The following RFC3 variants were observed in gnomAD, a reference collection of about 807,000 sequenced individuals.
The protein encoded by RFC3 is replication factor C subunit 3.
In RFC3, 41 loss-of-function variants were observed where a neutral mutation model predicts 45.1. The observed-to-expected ratio is 0.91, with a 90% CI of 0.71 to 1.18. The LOEUF is 1.18. Among genes scored for constraint, RFC3 ranks in the 50% most tolerant of loss-of-function variants. RFC3 has a pLI of 0.00. For missense variants in RFC3, 423 were observed against 428.1 expected, an observed-to-expected ratio of 0.99 and a Z score of 0.10; for synonymous variants, 149 against 144.0, an observed-to-expected ratio of 1.03 and a Z score of -0.25.
the RFC3 span, among the ~76,000 whole-genome samples, chr13:33,971,957 CA>C: frequency 0.99 from 149,870 of 151,886 alleles, 73,960 homozygotes; most frequent in East Asian, 1. Context: ...AATAAAAATA[CA>C]AAAAAAATTA....
intron 4 of RFC3, among the ~76,000 whole-genome samples, chr13:33,828,226 C>T (rs1354460121): frequency 6.6e-6 from 1 of 152,092 alleles, no homozygotes; most frequent in Non-Finnish European, 1.5e-5. Flanking sequence ...TTTTCTGTCA[C>T]CTTTATTGGG....
At chr13:33,967,781 C>T (rs749627798), downstream of RFC3, among the ~76,000 whole-genome samples, 1 of 134,246 alleles carries the variant, frequency 7.4e-6, no homozygotes, top group Admixed American at 8.1e-5. Context: ...CCACTGCACC[C>T]GGCCTACACC....
intron 8 of RFC3, among the ~76,000 whole-genome samples, chr13:33,937,932 G>A (rs1468318902): frequency 6.6e-6 from 1 of 152,040 alleles, no homozygotes; most frequent in Non-Finnish European, 1.5e-5. Context: ...ACAGTCAGAG[G>A]GGTGGCAGCT....
At chr13:33,928,834 T>G (rs567711864) in intron 8 of RFC3, among the ~76,000 whole-genome samples, 3 of 151,110 alleles carry the variant, frequency 2.0e-5, no homozygotes, top group Admixed American at 1.3e-4. Context: ...AACCAATGTC[T>G]GGGGGGGGAA....
chr13:33,932,309 A>G (rs994050401), intron 8 of RFC3, among the ~76,000 whole-genome samples: 5 of 152,292 alleles, frequency 3.3e-5, no homozygotes, highest in Non-Finnish European at 7.4e-5. Context: ...TCTTCTTAAT[A>G]TACCTTGGAA....
At chr13:33,918,893 T>A (rs1000131321) in intron 8 of RFC3, among the ~76,000 whole-genome samples, 1 of 152,150 alleles carries the variant, frequency 6.6e-6, no homozygotes, top group Non-Finnish European at 1.5e-5. Context: ...ATGGGCCTCA[T>A]CATGAAATGG....
chr13:33,879,671 T>C (rs2082469834), intron 8 of RFC3, among the ~76,000 whole-genome samples: 1 of 152,230 alleles, frequency 6.6e-6, no homozygotes, highest in Non-Finnish European at 1.5e-5. Context: ...TTATATTGAC[T>C]TTTAGGAAAC....
intron 8 of RFC3, chr13:33,847,672 C>T (rs1428021950): frequency 1.3e-5 from 2 of 151,774 alleles, no homozygotes; most frequent in Middle Eastern, 3.4e-3. Context: ...GTTTTCTGTT[C>T]ATATTGCCTA....
At chr13:33,862,535 G>T (rs1040251286) in intron 8 of RFC3, among the ~76,000 whole-genome samples, 7 of 151,876 alleles carry the variant, frequency 4.6e-5, no homozygotes, top group Admixed American at 6.6e-5. Flanking sequence ...ATGATTTTAT[G>T]TAAATCAGTA....
intron 8 of RFC3, among the ~76,000 whole-genome samples, chr13:33,856,768 C>T (rs573453260): frequency 5.9e-4 from 90 of 152,196 alleles, no homozygotes; most frequent in Middle Eastern, 3.4e-3. Context: ...AAATTGGGTG[C>T]GTGTGACAAA....
chr13:33,962,054 CCTT>C (rs2083060596), intron 8 of RFC3, among the ~76,000 whole-genome samples: 1 of 152,136 alleles, frequency 6.6e-6, no homozygotes, highest in African/African-American at 2.4e-5. Context: ...TCAGGCAAGC[CCTT>C]CTTCTGGCTG....
intron 8 of RFC3, among the ~76,000 whole-genome samples, chr13:33,903,665 C>T (rs1382982176): frequency 1.3e-5 from 2 of 151,992 alleles, no homozygotes; most frequent in Admixed American, 1.3e-4. Context: ...ATGTTTTGTC[C>T]CATGAGATTT....
chr13:33,933,341 ATTGTG>A (rs1411356690), intron 8 of RFC3, among the ~76,000 whole-genome samples: 3 of 152,118 alleles, frequency 2.0e-5, no homozygotes, highest in African/African-American at 7.2e-5. Context: ...ATGAGCTCCT[ATTGTG>A]TTAAAATGAA....
At chr13:33,842,039 T>A (rs961158732), downstream of RFC3, among the ~76,000 whole-genome samples, 2 of 152,114 alleles carry the variant, frequency 1.3e-5, no homozygotes, top group African/African-American at 4.8e-5. Flanking sequence ...TCCAGCACTT[T>A]GGGAGGCTGA....
Position 33,850,340 on chromosome 13 carries a change from C to T in RFC3, c.879+15123C>T, listed in dbSNP as rs148653440. ...TATGGTTCAAGAAAAATTGAGCATG[C>T]GTATTTCTTTATAGATGTAAAGGAT... On this transcript the variant is annotated intron_variant, in intron 8 of 8. Transcript: ENST00000434425. 8.6e-5 allele frequency: 13 copies of T among 151,942 alleles called. No homozygotes were observed. The East Asian group carries it at 1.5e-3, about 18-fold the overall frequency. 9.4% of individuals were successfully genotyped at this position (151,942 alleles called of 1,614,324 possible). A position where few individuals can be genotyped will look rare whatever the true frequency, so the allele number is the denominator to read the frequency against.
chr13:33,933,923 G>A (rs997394367), intron 8 of RFC3, among the ~76,000 whole-genome samples: 2 of 151,920 alleles, frequency 1.3e-5, no homozygotes, highest in Admixed American at 6.6e-5. Flanking sequence ...AGGATTGGGG[G>A]AGGGAGATGA....
chr13:33,826,983 A>G (rs2082055588), intron 4 of RFC3, among the ~76,000 whole-genome samples: 1 of 152,298 alleles, frequency 6.6e-6, no homozygotes, highest in East Asian at 1.9e-4. Flanking sequence ...ATGGTAAGAA[A>G]ATATTCTCAA....
At chr13:33,867,444 A>G (rs2082380760) in intron 8 of RFC3, among the ~76,000 whole-genome samples, 1 of 152,224 alleles carries the variant, frequency 6.6e-6, no homozygotes, top group Non-Finnish European at 1.5e-5. Context: ...AACAGTTTTC[A>G]GAAGAATTGG....
chr13:33,829,838 G>A lies in RFC3; in HGVS notation c.394G>A (p.Val132Ile). The A allele has an allele frequency of 6.2e-7, 1 of 1,613,470 alleles. No individual in the cohort carries two copies. ...TGTTTTGTTTCTCTTTGACTCAGTG[G>A]TATTATTGACAGAAGTTGACAAACT... ...ETNSQRDFKVVLLTEVDKLTK... is the reference protein window; with the variant it reads ...ETNSQRDFKVILLTEVDKLTK... Residue 132 changes from valine to isoleucine, a missense_variant and splice_region_variant, in exon 5 of 9, where the codon GTA becomes ATA. Transcript: ENST00000380071.
Sources: gnomAD v4.1 joint callset for allele counts (sites outside exome capture counted in the v4.1 genomes callset) on GRCh38, gnomAD v4.1.1 for gene constraint, MANE v1.5 for transcripts, NCBI Gene and HGNC (gene_info 2026-07-23, HGNC 2026-07-21) for gene names.